Variants in LGSN observed in about 807,000 individuals in gnomAD.
LGSN encodes lengsin, lens protein with glutamine synthetase domain.
In LGSN, 21 loss-of-function variants were observed where a neutral mutation model predicts 19.5. The ratio of observed to expected loss-of-function variants is 1.07; its 90% CI spans 0.76 to 1.55. LGSN has a LOEUF of 1.55. Ranked by LOEUF, LGSN falls within the 40% of genes most tolerant of loss-of-function variation. The pLI, the probability that LGSN is intolerant of heterozygous loss-of-function variation, is 0.00. For synonymous variants in LGSN, 257 were observed against 215.6 expected (o/e 1.19, Z -1.68); for missense variants, 673 against 608.5 (o/e 1.11, Z -1.12).
intron 1 of LGSN, among the ~76,000 whole-genome samples, chr6:63,298,010 G>A (rs912840957): frequency 2.0e-5 from 3 of 152,118 alleles, no homozygotes; most frequent in Non-Finnish European, 4.4e-5. Context: ...CTGACCATGC[G>A]ACAGCCTAAG....
In LGSN at chr6:63,277,596, T is replaced by A. The variant is rs1240789445; in HGVS notation, c.*2425A>T. On this transcript the variant is annotated 3_prime_UTR_variant, in exon 4 of 4. Coordinates refer to ENST00000370657, the MANE Select transcript of LGSN (RefSeq NM_016571.3). Reference sequence around the variant, plus strand: ...GATAGAAGTTTGGTTCTCTCTCAGGTAAACATCTGGATGTAGGCAAGTCAA... The same window carrying A: ...GATAGAAGTTTGGTTCTCTCTCAGGAAAACATCTGGATGTAGGCAAGTCAA... The A allele has an allele frequency of 2.0e-5, 3 of 152,298 alleles. No individual in the cohort carries two copies. Among genetic ancestry groups the A allele is most frequent in the South Asian group, 2.1e-4 (1 of 4,822 alleles). 9.4% of individuals were successfully genotyped at this position (152,298 alleles called of 1,614,324 possible). A position where few individuals can be genotyped will look rare whatever the true frequency, so the allele number is the denominator to read the frequency against.
chr6:63,544,119 G>A, the LGSN span, among the ~76,000 whole-genome samples: 2 of 151,994 alleles, frequency 1.3e-5, no homozygotes, highest in African/African-American at 4.8e-5. Flanking sequence ...ACAATTGTGG[G>A]GAGTAAAGAC....
chr6:63,324,526 G>T (rs78970347), upstream of LGSN, among the ~76,000 whole-genome samples: 1 of 152,070 alleles, frequency 6.6e-6, no homozygotes, highest in Non-Finnish European at 1.5e-5. Flanking sequence ...CACAAAACAA[G>T]TCTAAACAAA....
chr6:63,304,550 G>C (rs1426813351), intron 1 of LGSN, among the ~76,000 whole-genome samples: 7 of 152,194 alleles, frequency 4.6e-5, no homozygotes, highest in Admixed American at 4.6e-4. Flanking sequence ...AGTTACAAGA[G>C]ATTAATGAAC....
chr6:63,543,720 G>T, the LGSN span, among the ~76,000 whole-genome samples: 1 of 152,116 alleles, frequency 6.6e-6, no homozygotes, highest in Admixed American at 6.6e-5. Context: ...TGAAAGACCT[G>T]GGGCAAATCA....
the LGSN span, among the ~76,000 whole-genome samples, chr6:63,468,329 T>C: frequency 6.6e-6 from 1 of 151,932 alleles, no homozygotes; most frequent in African/African-American, 2.4e-5. Context: ...GGTTTCACCA[T>C]GTTGGCCAGG....
At chr6:63,514,265 T>C in the LGSN span, among the ~76,000 whole-genome samples, 1 of 152,230 alleles carries the variant, frequency 6.6e-6, no homozygotes, top group Non-Finnish European at 1.5e-5. Flanking sequence ...ACTCACTTTG[T>C]CACTCAGGCT....
intron 1 of LGSN, among the ~76,000 whole-genome samples, chr6:63,309,929 AC>A (rs1414304669): frequency 6.6e-6 from 1 of 152,138 alleles, no homozygotes. Flanking sequence ...TTTTTCTATA[AC>A]ACAATTTTGG....
the LGSN span, among the ~76,000 whole-genome samples, chr6:63,470,945 T>G: frequency 8.7e-6 from 1 of 114,356 alleles, no homozygotes. Context: ...TTTTTTTTTT[T>G]TTTTTTTTTT....
At chr6:63,300,686 A>G (rs1768148064) in intron 1 of LGSN, among the ~76,000 whole-genome samples, 1 of 152,202 alleles carries the variant, frequency 6.6e-6, no homozygotes, top group Non-Finnish European at 1.5e-5. Context: ...ATAAAAAATA[A>G]GAATAAATTC....
At chr6:63,338,250 A>C in the LGSN span, among the ~76,000 whole-genome samples, 2 of 152,184 alleles carry the variant, frequency 1.3e-5, no homozygotes, top group African/African-American at 2.4e-5. Flanking sequence ...TAAATAAATA[A>C]ATAAATAAGA....
the LGSN span, among the ~76,000 whole-genome samples, chr6:63,372,770 T>G: frequency 6.6e-6 from 1 of 152,160 alleles, no homozygotes; most frequent in Non-Finnish European, 1.5e-5. Context: ...CATGCCATAA[T>G]GTACTAATAA....
chr6:63,522,064 T>C, the LGSN span, among the ~76,000 whole-genome samples: 1 of 152,230 alleles, frequency 6.6e-6, no homozygotes, highest in Non-Finnish European at 1.5e-5. Context: ...TGCCAGATAC[T>C]GTTTCATGTC....
rs946193732 is a variant in LGSN, at chr6:63,277,317, G to GT, written c.*2703dup. 3 of 152,156 alleles carry GT rather than the reference G, an allele frequency of 2.0e-5. No homozygotes were observed. The highest frequency in any genetic ancestry group is 4.4e-5 in the Non-Finnish European group (3 of 68,024). The allele number at this position is 152,156 out of a possible 1,614,324, so 9.4% of individuals were successfully genotyped here. A position where few individuals can be genotyped will look rare whatever the true frequency, so the allele number is the denominator to read the frequency against. ...GGGATATGCCACTTTATAGGGATGG[G>GT]TTAGAGCCAATCCCATTTTTTGGAT... On this transcript the variant is annotated 3_prime_UTR_variant, in exon 4 of 4. Coordinates refer to ENST00000370657, the MANE Select transcript of LGSN (RefSeq NM_016571.3).
chr6:63,409,005 G>T, the LGSN span, among the ~76,000 whole-genome samples: 1 of 152,076 alleles, frequency 6.6e-6, no homozygotes, highest in Non-Finnish European at 1.5e-5. Flanking sequence ...CGAACTTCTG[G>T]GCTCAAGTGA....
chr6:63,372,351 C>A, the LGSN span, among the ~76,000 whole-genome samples: 1 of 152,186 alleles, frequency 6.6e-6, no homozygotes, highest in Non-Finnish European at 1.5e-5. Context: ...TGACCTAGGG[C>A]TCTGTACCCA....
At chr6:63,319,668 T>C (rs1440556319) in intron 1 of LGSN, among the ~76,000 whole-genome samples, 12 of 152,198 alleles carry the variant, frequency 7.9e-5, no homozygotes, top group Admixed American at 7.9e-4. Flanking sequence ...CCTATTGAAC[T>C]TAAATGATTA....
the LGSN span, among the ~76,000 whole-genome samples, chr6:63,378,934 C>T: frequency 6.6e-6 from 1 of 152,126 alleles, no homozygotes; most frequent in South Asian, 2.1e-4. Context: ...TATCAAAGAG[C>T]CAATAAAGAA....
the LGSN span, among the ~76,000 whole-genome samples, chr6:63,434,753 G>A: frequency 1.3e-5 from 2 of 152,088 alleles, no homozygotes; most frequent in East Asian, 1.9e-4. Context: ...CTCCACAGGT[G>A]CCTCCCATTG....
Sources: allele counts gnomAD v4.1 joint callset (sites outside exome capture counted in the v4.1 genomes callset), GRCh38; gene constraint gnomAD v4.1.1; transcripts MANE v1.5; gene names NCBI Gene and HGNC (gene_info 2026-07-23, HGNC 2026-07-21).